Variants in ADGRD1 observed in about 807,000 individuals in gnomAD.
ADGRD1 encodes the protein adhesion G protein-coupled receptor D1, also known as G-protein coupled receptor 133.
In ADGRD1, 77 loss-of-function variants were observed where a neutral mutation model predicts 113.4. The observed-to-expected ratio is 0.68, with a 90% CI of 0.57 to 0.82. The LOEUF (loss-of-function observed/expected upper bound fraction) is 0.82, where lower values mean the gene tolerates loss of function less well. Among genes scored for constraint, ADGRD1 ranks in the 40% least tolerant of loss-of-function variants. The pLI is 0.00. For missense variants in ADGRD1, 1,036 were observed against 1,139.1 expected, an observed-to-expected ratio of 0.91 and a Z score of 1.30; for synonymous variants, 474 against 475.0, an observed-to-expected ratio of 1.00 and a Z score of 0.03.
At chr12:131,059,734 C>A (rs142834662) in intron 13 of ADGRD1, among the ~76,000 whole-genome samples, 3 of 152,276 alleles carry the variant, frequency 2.0e-5, no homozygotes, top group African/African-American at 7.2e-5. Context: ...TGAAAAAGTC[C>A]AAAATTGGAA....
intron 20 of ADGRD1, among the ~76,000 whole-genome samples, chr12:131,121,134 G>GC (rs1255807098): frequency 8.5e-5 from 13 of 152,212 alleles, no homozygotes; most frequent in Admixed American, 2.6e-4. Context: ...TCCACTCGAG[G>GC]CCCCAGGGCT....
In ADGRD1 at chr12:130,954,027, A is replaced by G. The variant is rs1256459187; in HGVS notation, c.-439A>G. 1 of 156,064 alleles carries G rather than the reference A, an allele frequency of 6.4e-6. No individual in the cohort carries two copies. Among genetic ancestry groups the G allele is most frequent in the Non-Finnish European group, 1.4e-5 (1 of 70,868 alleles). 9.7% of individuals were successfully genotyped at this position (156,064 alleles called of 1,614,324 possible). A position where few individuals can be genotyped will look rare whatever the true frequency, so the allele number is the denominator to read the frequency against. ...CAGGCGGGCGCTCCAGGGGAAAACC[A>G]CGCACAAAACCTTCTTCAGAGAAAA... On this transcript the variant is annotated 5_prime_UTR_variant, in exon 1 of 25. Transcript: ENST00000261654. The surrounding 1 kb of genome is among the most constrained non-coding windows in gnomAD (Gnocchi z 4.7).
chr12:131,070,300 T>C (rs73166643), intron 13 of ADGRD1: 34 of 153,312 alleles, frequency 2.2e-4, no homozygotes, highest in African/African-American at 4.6e-4. Context: ...AGAGGCCGCC[T>C]CCTTCCAGAG....
chr12:130,986,028 GT>G (rs368818508), intron 5 of ADGRD1, among the ~76,000 whole-genome samples: 13,712 of 152,046 alleles, frequency 0.09, 801 homozygotes, highest in Middle Eastern at 0.15. Flanking sequence ...CTATTCATCT[GT>G]TTTTTTCCAA....
intron 13 of ADGRD1, among the ~76,000 whole-genome samples, chr12:131,031,574 C>T (rs577024221): frequency 2.0e-5 from 3 of 152,138 alleles, no homozygotes; most frequent in African/African-American, 7.2e-5. Flanking sequence ...ACGGCCCCCC[C>T]ACCCTTCCTT....
chr12:131,005,900 C>A, intron 11 of ADGRD1, 72 bp from the exon 12 acceptor site: 2 of 1,140,772 alleles, frequency 1.8e-6, no homozygotes, highest in Non-Finnish European at 1.3e-6. Context: ...CATGGCGGGG[C>A]GTGGGGCTTT....
chr12:131,129,151 C>T (rs1171547317), intron 20 of ADGRD1, among the ~76,000 whole-genome samples: 1 of 140,566 alleles, frequency 7.1e-6, no homozygotes, highest in African/African-American at 2.7e-5. Context: ...GACAGGCCCG[C>T]CCTGCTGTCT....
intron 9 of ADGRD1, among the ~76,000 whole-genome samples, chr12:131,001,739 G>T (rs866917982): frequency 1.3e-5 from 2 of 152,136 alleles, no homozygotes; most frequent in Admixed American, 1.3e-4. Context: ...CTCAATATGT[G>T]GTTTCCAAGG....
Position 131,139,468 on chromosome 12 carries a change from G to A in ADGRD1, c.*205G>A, listed in dbSNP as rs1044989479. 3.6e-6 allele frequency: 2 copies of A among 560,522 alleles called. No homozygotes were observed. Among genetic ancestry groups the A allele is most frequent in the South Asian group, 4.1e-5 (2 of 49,254 alleles). 34.7% of individuals were successfully genotyped at this position (560,522 alleles called of 1,614,324 possible). ...CAGCCTGATGCCCAGGCCAGCGTGG[G>A]CCCTCCTGCCTTGCATCCACCCGTG... is the stretch of plus-strand genomic sequence containing the variant. On this transcript the variant is annotated 3_prime_UTR_variant, in exon 25 of 25. Transcript: ENST00000261654.
chr12:131,104,971 G>C (rs199722680), intron 16 of ADGRD1, 37 bp downstream of exon 16: 1 of 1,375,984 alleles, frequency 7.3e-7, no homozygotes, highest in Admixed American at 2.0e-5. Flanking sequence ...ACAGTCTCTC[G>C]GCCCCTGCCT....
chr12:131,123,665 C>CA (rs1163958868), intron 20 of ADGRD1, among the ~76,000 whole-genome samples: 1 of 151,678 alleles, frequency 6.6e-6, no homozygotes, highest in Non-Finnish European at 1.5e-5. Flanking sequence ...ACTAAAAATA[C>CA]AAAAAAATTA....
chr12:130,975,303 G>A (rs949469796), intron 4 of ADGRD1, among the ~76,000 whole-genome samples: 2 of 152,158 alleles, frequency 1.3e-5, no homozygotes, highest in African/African-American at 4.8e-5. Flanking sequence ...GCCGACGATG[G>A]CCTGTCACTT....
At chr12:131,058,095 G>A (rs1017298635) in intron 13 of ADGRD1, among the ~76,000 whole-genome samples, 1 of 152,154 alleles carries the variant, frequency 6.6e-6, no homozygotes, top group Admixed American at 6.5e-5. Flanking sequence ...ACTCTTTTGT[G>A]CTTTTCATTT....
At position 131,048,212 on chromosome 12, in the gene ADGRD1, G is replaced by A. The variant is rs537053677; in HGVS notation, c.1474-28589G>A. On this transcript the variant is annotated intron_variant, in intron 13 of 24. Coordinates refer to ENST00000261654, the MANE Select transcript of ADGRD1 (RefSeq NM_198827.5). ...TGCTGAGTGGAAGGCTGAGGGCGCA[G>A]GGTCAGCCGGGGCCAGCAGTGCTTC... Among the ~76,000 whole-genome samples the A allele has an allele frequency of 2.0e-5, 3 of 152,368 alleles. No homozygotes were observed. In the South Asian group the frequency reaches 6.2e-4, roughly 32 times the overall value.
At chr12:131,034,331 G>A (rs1193499243) in intron 13 of ADGRD1, among the ~76,000 whole-genome samples, 1 of 152,118 alleles carries the variant, frequency 6.6e-6, no homozygotes, top group East Asian at 1.9e-4. Context: ...CTCTTCCCCC[G>A]GGTCCCCGCA....
chr12:131,117,054 T>C (rs544997773), intron 18 of ADGRD1, among the ~76,000 whole-genome samples: 1 of 152,346 alleles, frequency 6.6e-6, no homozygotes, highest in African/African-American at 2.4e-5. Flanking sequence ...TAAGACACAT[T>C]AGCATACAAA....
At chr12:131,059,007 T>G (rs1884100324) in intron 13 of ADGRD1, among the ~76,000 whole-genome samples, 3 of 152,206 alleles carry the variant, frequency 2.0e-5, no homozygotes, top group African/African-American at 7.2e-5. Flanking sequence ...ATATCTTTCG[T>G]TGTTGTCCCA....
chr12:131,019,847 G>C (rs1337718611), intron 13 of ADGRD1, among the ~76,000 whole-genome samples: 1 of 74,500 alleles, frequency 1.3e-5, no homozygotes, highest in African/African-American at 3.9e-5. Context: ...GCAGGACCCC[G>C]AGCTCCGTCC....
At chr12:131,059,436 C>G (rs1236319957) in intron 13 of ADGRD1, among the ~76,000 whole-genome samples, 1 of 152,218 alleles carries the variant, frequency 6.6e-6, no homozygotes, top group East Asian at 1.9e-4. Context: ...CCCCCTCGGC[C>G]TCCCAAATTG....
Sources: allele counts gnomAD v4.1 joint callset (sites outside exome capture counted in the v4.1 genomes callset), GRCh38; gene constraint gnomAD v4.1.1; non-coding constraint Gnocchi (gnomAD v3.1); transcripts MANE v1.5; gene names NCBI Gene and HGNC (gene_info 2026-07-23, HGNC 2026-07-21).